The following SYCE2 variants were observed in gnomAD, a reference collection of about 807,000 sequenced individuals.
The protein encoded by SYCE2 is synaptonemal complex central element protein 2.
In SYCE2, 3 loss-of-function variants were observed where a neutral mutation model predicts 27.9. The observed-to-expected ratio is 0.11, with a 90% CI of 0.05 to 0.28. The LOEUF is 0.28. Among genes scored for constraint, SYCE2 ranks in the 10% least tolerant of loss-of-function variants. The probability of loss-of-function intolerance (pLI) is 1.00; values close to 1 mark genes in which losing one functional copy is unlikely to be tolerated. For missense variants in SYCE2, 207 were observed against 263.5 expected, an observed-to-expected ratio of 0.79 and a Z score of 1.48; for synonymous variants, 85 against 100.7, an observed-to-expected ratio of 0.84 and a Z score of 0.93.
intron 2 of SYCE2, among the ~76,000 whole-genome samples, chr19:12,913,747 G>A (rs1971086429): frequency 6.6e-6 from 1 of 152,172 alleles, no homozygotes; most frequent in South Asian, 2.1e-4. Context: ...ATTTGCAGCG[G>A]TCTGTGTCTC....
At chr19:12,908,317 A>G (rs1478108971) in intron 2 of SYCE2, among the ~76,000 whole-genome samples, 1 of 104,984 alleles carries the variant, frequency 9.5e-6, no homozygotes, top group Non-Finnish European at 1.8e-5. Flanking sequence ...AGAGAGTCTC[A>G]CCCTGGGCTT....
rs1339090559 is a variant in SYCE2 at position 12,900,127 on chromosome 19, A to T, written c.496-7T>A. On this transcript the variant is annotated splice_region_variant and splice_polypyrimidine_tract_variant and intron_variant, in intron 4 of 5. Coordinates refer to ENST00000293695, the MANE Select transcript of SYCE2 (RefSeq NM_001105578.2). ...ATCTGAGTCTTAGGCTCTGCTGTAA[A>T]AAAGAAACCCAGGTTAGCAGTGCCG... 1.5e-5 allele frequency: 24 copies of T among 1,599,774 alleles called. No individual in the cohort carries two copies. The highest frequency in any genetic ancestry group is 2.0e-5 in the Non-Finnish European group (23 of 1,175,412).
chr19:12,906,868 G>A (rs1295510489), intron 2 of SYCE2, among the ~76,000 whole-genome samples: 1 of 151,960 alleles, frequency 6.6e-6, no homozygotes, highest in Non-Finnish European at 1.5e-5. Context: ...TCTAGCCCGG[G>A]CAACAGAGTA....
intron 2 of SYCE2, among the ~76,000 whole-genome samples, chr19:12,910,302 ATTT>A (rs913538561): frequency 6.6e-6 from 1 of 151,398 alleles, no homozygotes; most frequent in East Asian, 1.9e-4. Context: ...ATGTTAAAAA[ATTT>A]TTTTTTCTTT....
In SYCE2 at chr19:12,918,270, G is replaced by A. The variant is rs778533644; in HGVS notation, c.83C>T (p.Pro28Leu). 6.8e-6 allele frequency: 11 copies of A among 1,614,040 alleles called. No homozygotes were observed. Among genetic ancestry groups the A allele is most frequent in the African/African-American group, 1.3e-5 (1 of 74,914 alleles). Reference protein sequence around the residue: ...PQPLGESKEHPRWEENCEEEA... With the variant: ...PQPLGESKEHLRWEENCEEEA... ...CTCCTCGCAGTTCTCTTCCCACCGC[G>A]GATGCTCCTTGCTCTCCCCCAAGGG... Residue 28 changes from proline to leucine, a missense_variant, in exon 2 of 6, where the codon CCG becomes CTG. By Grantham distance (98) the Pro-to-Leu change is moderately conservative. Coordinates refer to ENST00000293695, the MANE Select transcript of SYCE2 (RefSeq NM_001105578.2).
intron 2 of SYCE2, among the ~76,000 whole-genome samples, chr19:12,908,535 A>T (rs1970983823): frequency 1.3e-5 from 2 of 151,988 alleles, no homozygotes; most frequent in South Asian, 4.2e-4. Flanking sequence ...CGTGTTAGCC[A>T]GGATGGTTTC....
At chr19:12,910,302 A>T (rs560896754) in intron 2 of SYCE2, among the ~76,000 whole-genome samples, 99 of 151,510 alleles carry the variant, frequency 6.5e-4, no homozygotes, top group Admixed American at 1.9e-3. Flanking sequence ...ATGTTAAAAA[A>T]TTTTTTTTTC....
chr19:12,909,483 CTA>C, intron 2 of SYCE2, among the ~76,000 whole-genome samples: 1 of 152,292 alleles, frequency 6.6e-6, no homozygotes, highest in East Asian at 1.9e-4. Context: ...AGCAGCAAGC[CTA>C]GAGTCCAGCT....
In SYCE2 at chr19:12,901,411, G is replaced by A. The variant is rs367896931; in HGVS notation, c.307-763C>T. Among the ~76,000 whole-genome samples, 32 of 150,838 alleles carry A rather than the reference G, an allele frequency of 2.1e-4. No individual in the cohort carries two copies. In the South Asian group the frequency reaches 6.3e-3, roughly 30 times the overall value. On this transcript the variant is annotated intron_variant, in intron 3 of 5. Coordinates refer to ENST00000293695, the MANE Select transcript of SYCE2 (RefSeq NM_001105578.2). ...AAAATTAGCAAGGCATAGGTGACGC[G>A]CACTTGCAGTCCCAGCTACTCGGAA...
intron 3 of SYCE2, among the ~76,000 whole-genome samples, chr19:12,901,207 A>C (rs908312668): frequency 1.4e-5 from 2 of 145,442 alleles, no homozygotes; most frequent in Admixed American, 6.9e-5. Flanking sequence ...TAAATAAATA[A>C]ATACACAAAT....
In SYCE2 at chr19:12,918,213, C is replaced by T. The variant is rs766410502; in HGVS notation, c.131+9G>A. 10 of 1,612,702 alleles carry T rather than the reference C, an allele frequency of 6.2e-6. No homozygotes were observed. In the Admixed American group the frequency reaches 1.3e-4, roughly 22 times the overall value. On this transcript the variant is annotated intron_variant, in intron 2 of 5. Coordinates refer to ENST00000293695, the MANE Select transcript of SYCE2 (RefSeq NM_001105578.2). ...CTGTGTAGACCCATAGGGCTGGGAT[C>T]TTCCTCACCTAGCTGGCCCTCCACC...
chr19:12,918,950 CAAAAA>C (rs751137312), intron 1 of SYCE2, among the ~76,000 whole-genome samples: 6 of 57,132 alleles, frequency 1.1e-4, no homozygotes, highest in African/African-American at 3.7e-4. Flanking sequence ...TACTTCGTCT[CAAAAA>C]AAAAAAAAAA....
At position 12,900,170 on chromosome 19, in the gene SYCE2, G is replaced by A. The variant is rs1352533065; in HGVS notation, c.496-50C>T. 3 of 1,562,648 alleles carry A rather than the reference G, an allele frequency of 1.9e-6. No homozygotes were observed. In the Admixed American group the frequency reaches 6.4e-5, roughly 33 times the overall value. The stretch of plus-strand genomic sequence containing the variant: ...CAGTGCCGGTCTGTGCCAGGGCTGT[G>A]GGCAGAGGGGATGATTTCTGAGTGG... On this transcript the variant is annotated intron_variant, in intron 4 of 5. Coordinates refer to ENST00000293695, the MANE Select transcript of SYCE2 (RefSeq NM_001105578.2).
intron 1 of SYCE2, 23 bp downstream of exon 1, chr19:12,919,220 A>G (rs375539499): frequency 1.2e-6 from 2 of 1,610,598 alleles, no homozygotes; most frequent in Non-Finnish European, 1.7e-6. Context: ...CCCACGCGCG[A>G]GAAGGAAACA....
chr19:12,899,176 C>T lies in SYCE2; in HGVS notation c.*165G>A. The T allele has an allele frequency of 1.5e-6, 1 of 655,832 alleles. No homozygotes were observed. Among genetic ancestry groups the T allele is most frequent in the Non-Finnish European group, 2.7e-6 (1 of 376,378 alleles). The allele number at this position is 655,832 out of a possible 1,614,324, so 40.6% of individuals were successfully genotyped here. A position where few individuals can be genotyped will look rare whatever the true frequency, so the allele number is the denominator to read the frequency against. On this transcript the variant is annotated 3_prime_UTR_variant, in exon 6 of 6. Transcript: ENST00000293695. ...GCCTGGGCCTATGGCAGGGGCTGGA[C>T]TTGCTACATTTTGGGAGTTCAGCAC...
intron 2 of SYCE2, among the ~76,000 whole-genome samples, chr19:12,908,186 C>A (rs997156753): frequency 6.6e-6 from 1 of 151,922 alleles, no homozygotes; most frequent in African/African-American, 2.4e-5. Context: ...CACCCCTCCC[C>A]TCTCCACCCG....
At position 12,899,353 on chromosome 19, in the gene SYCE2, A is replaced by G. The variant is rs765367111; in HGVS notation, c.645T>C (p.Asp215=). The part of the protein sequence containing the change: ...ATASEVQTNR[D]GEC The stretch of plus-strand genomic sequence containing the variant: ...CTCCCGGCAGCTGTCAGCATTCACC[A>G]TCTCTGTTGGTCTGTACTTCTGAAG... The change falls in exon 6 of 6, where the codon GAT becomes GAC. Residue 215 remains aspartate, a synonymous_variant. Coordinates refer to ENST00000293695, the MANE Select transcript of SYCE2 (RefSeq NM_001105578.2). 1 of 1,614,010 alleles carries G rather than the reference A, an allele frequency of 6.2e-7. No individual in the cohort carries two copies. Among genetic ancestry groups the G allele is most frequent in the Non-Finnish European group, 8.5e-7 (1 of 1,179,934 alleles).
intron 2 of SYCE2, among the ~76,000 whole-genome samples, chr19:12,908,567 GCCCA>G (rs1970984996): frequency 6.6e-6 from 1 of 151,828 alleles, no homozygotes; most frequent in Non-Finnish European, 1.5e-5. Flanking sequence ...CTCATGATCT[GCCCA>G]CCTCAGCCTC....
chr19:12,910,766 C>T (rs982035172), intron 2 of SYCE2, among the ~76,000 whole-genome samples: 13 of 151,796 alleles, frequency 8.6e-5, no homozygotes, highest in Non-Finnish European at 1.5e-4. Flanking sequence ...CAAGCTCTGC[C>T]TCCCGGGTTC....
Sources: allele counts gnomAD v4.1 joint callset (sites outside exome capture counted in the v4.1 genomes callset), GRCh38; gene constraint gnomAD v4.1.1; transcripts MANE v1.5; gene names NCBI Gene and HGNC (gene_info 2026-07-23, HGNC 2026-07-21).